Variants in CLTCL1 observed in about 807,000 individuals in gnomAD.
CLTCL1 encodes clathrin heavy chain 2.
A neutral mutation model predicts 190.0 loss-of-function variants in CLTCL1; 159 were observed. That is an observed-to-expected ratio of 0.84 (90% CI 0.74 to 0.95). The LOEUF (loss-of-function observed/expected upper bound fraction) is 0.95. CLTCL1 is among the 40% of genes least tolerant of loss of function. The pLI is 0.00. For synonymous variants in CLTCL1, 752 were observed against 769.6 expected (o/e 0.98, Z 0.38); for missense variants, 1,878 against 2,033.4 (o/e 0.92, Z 1.47).
At chr22:19,253,384 G>A (rs905003919) in intron 3 of CLTCL1, among the ~76,000 whole-genome samples, 25 of 152,126 alleles carry the variant, frequency 1.6e-4, no homozygotes, top group Non-Finnish European at 3.1e-4. Flanking sequence ...TGTGCACATC[G>A]GGGCCCTTTG....
chr22:19,287,599 T>C (rs1456615217), intron 1 of CLTCL1, among the ~76,000 whole-genome samples: 29 of 152,062 alleles, frequency 1.9e-4, no homozygotes, highest in Admixed American at 1.8e-3. Context: ...GGAGAATGGA[T>C]CACAGGAGGG....
intron 2 of CLTCL1, among the ~76,000 whole-genome samples, chr22:19,267,348 A>C (rs771721434): frequency 1.3e-5 from 2 of 152,222 alleles, no homozygotes; most frequent in Non-Finnish European, 2.9e-5. Flanking sequence ...ACATTAAATG[A>C]CTAGAAGACT....
chr22:19,222,541 T>C lies in CLTCL1; in HGVS notation c.2418+143A>G, dbSNP rs1198446000. ...CTGCCTGGACTGTGGTCTTCTACTC[T>C]GGCAGTCTGAGCACACGAACCCACC... On this transcript the variant is annotated intron_variant, in intron 15 of 32. Coordinates refer to ENST00000427926, the MANE Select transcript of CLTCL1 (RefSeq NM_007098.4). 24 of 924,644 alleles carry C rather than the reference T, an allele frequency of 2.6e-5. No homozygotes were observed. In the African/African-American group the frequency reaches 3.8e-4, roughly 15 times the overall value. 57.3% of individuals were successfully genotyped at this position (924,644 alleles called of 1,614,324 possible). A position where few individuals can be genotyped will look rare whatever the true frequency, so the allele number is the denominator to read the frequency against.
intron 1 of CLTCL1, among the ~76,000 whole-genome samples, chr22:19,284,271 C>T (rs1555988774): frequency 1.3e-5 from 2 of 152,228 alleles, no homozygotes; most frequent in South Asian, 4.1e-4. Context: ...TCACTCACTG[C>T]TTTATCCTTG....
intron 1 of CLTCL1, among the ~76,000 whole-genome samples, chr22:19,286,107 CT>C (rs2087897835): frequency 6.6e-6 from 1 of 152,174 alleles, no homozygotes; most frequent in Non-Finnish European, 1.5e-5. Context: ...CCTCCTAGGA[CT>C]TAATTCTTTC....
chr22:19,270,726 CAA>C (rs35877753), intron 2 of CLTCL1, among the ~76,000 whole-genome samples: 1,272 of 78,742 alleles, frequency 0.016, 13 homozygotes, highest in South Asian at 0.094. Context: ...GACTCCAACT[CAA>C]AAAAAAAAAA....
At chr22:19,208,659 T>G (rs575238255) in intron 21 of CLTCL1, among the ~76,000 whole-genome samples, 9 of 151,722 alleles carry the variant, frequency 5.9e-5, no homozygotes, top group Non-Finnish European at 1.3e-4. Flanking sequence ...ACTTTAAAAT[T>G]ACTACAGTGG....
At chr22:19,257,691 G>A in intron 2 of CLTCL1, 2 of 701,150 alleles carry the variant, frequency 2.9e-6, no homozygotes, top group Non-Finnish European at 4.4e-6. Context: ...TTTCCAGGGT[G>A]GCTTGGGGTC....
chr22:19,221,654 TG>T, intron 16 of CLTCL1, 43 bp from the exon 17 acceptor site: 1 of 1,501,652 alleles, frequency 6.7e-7, no homozygotes, highest in Non-Finnish European at 9.0e-7. Flanking sequence ...AGGCTACCAC[TG>T]GAAGTCTTGA....
Position 19,232,556 on chromosome 22 carries a change from T to A in CLTCL1, c.1564A>T (p.Met522Leu), listed in dbSNP as rs1429237433. Residue 522 changes from methionine to leucine, a missense_variant, in exon 10 of 33, where the codon ATG (methionine) becomes TTG (leucine). By Grantham distance (15) the Met-to-Leu change is conservative (BLOSUM62 2). Coordinates refer to ENST00000427926, the MANE Select transcript of CLTCL1 (RefSeq NM_007098.4). ...PDWIFLLRGV[M>L]KISPEQGLQF... is the part of the protein sequence containing the mutation. ...AGGCCCTGTTCCGGACTGATCTTCA[T>A]TACACCCCTCAGCAGAAAGATCCAG... is the stretch of plus-strand genomic sequence containing the variant. 6.2e-7 allele frequency: 1 copy of A among 1,613,766 alleles called. No individual in the cohort carries two copies. Among genetic ancestry groups the A allele is most frequent in the Non-Finnish European group, 8.5e-7 (1 of 1,179,858 alleles).
chr22:19,233,577 G>C lies in CLTCL1; in HGVS notation c.1213C>G (p.Pro405Ala), dbSNP rs781874018. ...GGAGAAGCCTGGCCAGACTGAGCGGGTATACTCTGGAATTTCTGGACCGTC... is the reference window on the plus strand; with the variant it reads ...GGAGAAGCCTGGCCAGACTGAGCGGCTATACTCTGGAATTTCTGGACCGTC... ...RETVQKFQSIPAQSGQASPLL... is the reference protein window; with the variant it reads ...RETVQKFQSIAAQSGQASPLL... The change falls in exon 8 of 33, where the codon CCC becomes GCC. Residue 405 changes from proline to alanine, a missense_variant. Transcript: ENST00000427926. The C allele has an allele frequency of 6.2e-7, 1 of 1,613,722 alleles. No homozygotes were observed. Among genetic ancestry groups the C allele is most frequent in the Non-Finnish European group, 8.5e-7 (1 of 1,179,892 alleles).
At chr22:19,189,787 T>G (rs1274230057) in intron 27 of CLTCL1, among the ~76,000 whole-genome samples, 10 of 152,230 alleles carry the variant, frequency 6.6e-5, no homozygotes, top group African/African-American at 2.4e-4. Flanking sequence ...TGATACATGA[T>G]AGTTGTGCAT....
In CLTCL1 at chr22:19,208,025, G is replaced by C. The variant is rs564752144; in HGVS notation, c.3600+129C>G. 60 of 1,083,324 alleles carry C rather than the reference G, an allele frequency of 5.5e-5. No individual in the cohort carries two copies. The South Asian group carries it at 7.6e-4, about 14-fold the overall frequency. 67.1% of individuals were successfully genotyped at this position (1,083,324 alleles called of 1,614,324 possible). On this transcript the variant is annotated intron_variant, in intron 22 of 32. Coordinates refer to ENST00000427926, the MANE Select transcript of CLTCL1 (RefSeq NM_007098.4). ...ATCATCCCCAAACCACCCCCGACCT[G>C]TCTGTGGAAAAACTGTCTTCGATGA...
Position 19,225,588 on chromosome 22 carries a change from C to T in CLTCL1, c.1993G>A (p.Glu665Lys), listed in dbSNP as rs1555955411. ...GCAGACAGCATGGCATGCAGACACT[C>T]CACAGAATCCTCCACCGATAAGGAG... Reference protein sequence around the residue: ...FGSLSVEDSVECLHAMLSANI... With the variant: ...FGSLSVEDSVKCLHAMLSANI... The change falls in exon 13 of 33, where the codon GAG (glutamate) becomes AAG (lysine). Residue 665 changes from glutamate to lysine, a missense_variant. Coordinates refer to ENST00000427926, the MANE Select transcript of CLTCL1 (RefSeq NM_007098.4). 6 of 1,576,730 alleles carry T rather than the reference C, an allele frequency of 3.8e-6. No homozygotes were observed. In the African/African-American group the frequency reaches 6.8e-5, roughly 18 times the overall value.
chr22:19,194,361 A>G (rs2084624558), intron 26 of CLTCL1, among the ~76,000 whole-genome samples: 1 of 152,186 alleles, frequency 6.6e-6, no homozygotes, highest in Non-Finnish European at 1.5e-5. Flanking sequence ...AGGCACCTGT[A>G]ATCCCAGCTA....
intron 22 of CLTCL1, among the ~76,000 whole-genome samples, chr22:19,204,539 C>A (rs2084993455): frequency 6.6e-6 from 1 of 152,192 alleles, no homozygotes; most frequent in African/African-American, 2.4e-5. Flanking sequence ...TTTTAAGAAT[C>A]TTATGATTCA....
intron 18 of CLTCL1, among the ~76,000 whole-genome samples, chr22:19,219,339 G>A (rs1163654509): frequency 2.6e-5 from 4 of 151,392 alleles, no homozygotes; most frequent in East Asian, 1.9e-4. Context: ...ACAAGCATGC[G>A]CCACACAGTG....
chr22:19,254,248 G>C (rs1258880880), intron 2 of CLTCL1, 21 bp from the exon 3 acceptor site: 13 of 1,575,616 alleles, frequency 8.3e-6, no homozygotes, highest in Admixed American at 5.4e-5. Flanking sequence ...ATATAATAGA[G>C]ATTAGAGAAA....
rs962888194 is a variant in CLTCL1 at position 19,223,954 on chromosome 22, C to G, written c.2229G>C (p.Glu743Asp). 5 of 1,613,998 alleles carry G rather than the reference C, an allele frequency of 3.1e-6. No homozygotes were observed. The highest frequency in any genetic ancestry group is 4.2e-6 in the Non-Finnish European group (5 of 1,179,892). ...QAACKTGQIK[E>D]VERICRESSC... ...TGCTCTCTCGGCATATCCTCTCCAC[C>G]TCCTTGATCTGCCCTGTCTTACAGG... is the stretch of plus-strand genomic sequence containing the variant. Residue 743 changes from glutamate to aspartate, a missense_variant, in exon 14 of 33, where the codon GAG (glutamate) becomes GAC (aspartate). Glu to Asp is a conservative substitution (Grantham distance 45, BLOSUM62 2). Coordinates refer to ENST00000427926, the MANE Select transcript of CLTCL1 (RefSeq NM_007098.4).
Sources: gnomAD v4.1 joint callset for allele counts (sites outside exome capture counted in the v4.1 genomes callset) on GRCh38, gnomAD v4.1.1 for gene constraint, MANE v1.5 for transcripts, NCBI Gene and HGNC (gene_info 2026-07-23, HGNC 2026-07-21) for gene names.